KLHL29: variants seen among roughly 807,000 people sequenced by gnomAD.
The protein encoded by KLHL29 is kelch-like protein 29.
KLHL29 carries 21 observed loss-of-function variants against 80.4 expected under a neutral mutation model. The observed-to-expected ratio is 0.26, with a 90% CI of 0.19 to 0.38. The LOEUF is 0.38. Among genes scored for constraint, KLHL29 ranks in the 10% least tolerant of loss-of-function variants. The pLI is 1.00. For missense variants in KLHL29, 867 were observed against 1,223.9 expected, an observed-to-expected ratio of 0.71 and a Z score of 4.35; for synonymous variants, 511 against 526.8, an observed-to-expected ratio of 0.97 and a Z score of 0.41.
At chr2:23,556,313 G>T (rs1023704959) in intron 2 of KLHL29, among the ~76,000 whole-genome samples, 3 of 152,124 alleles carry the variant, frequency 2.0e-5, no homozygotes, top group Non-Finnish European at 4.4e-5. Context: ...AGGCGCAGGC[G>T]TGGTGTTGAC....
At chr2:23,420,806 C>CACTA (rs1400627793) in intron 1 of KLHL29, among the ~76,000 whole-genome samples, 1 of 152,190 alleles carries the variant, frequency 6.6e-6, no homozygotes, top group Non-Finnish European at 1.5e-5. Flanking sequence ...AGCGGGGCCT[C>CACTA]TGGGTGGGGC....
At chr2:23,530,747 G>T (rs1323019050) in intron 2 of KLHL29, among the ~76,000 whole-genome samples, 1 of 149,400 alleles carries the variant, frequency 6.7e-6, no homozygotes, top group East Asian at 2.0e-4. Flanking sequence ...CCCCCGCCCA[G>T]CTGCCAAGCC....
intron 1 of KLHL29, among the ~76,000 whole-genome samples, chr2:23,445,669 T>TATTGCTAC (rs1663652985): frequency 6.6e-6 from 1 of 152,242 alleles, no homozygotes; most frequent in African/African-American, 2.4e-5. Context: ...ATTTGTCAGA[T>TATTGCTAC]ATTGCTACAT....
chr2:23,527,694 C>T (rs531087341), intron 2 of KLHL29, among the ~76,000 whole-genome samples: 1 of 152,364 alleles, frequency 6.6e-6, no homozygotes, highest in East Asian at 1.9e-4. Flanking sequence ...AATTGTCCAA[C>T]AACCTCGCCA....
At chr2:23,478,103 G>A (rs1387728760) in intron 2 of KLHL29, among the ~76,000 whole-genome samples, 1 of 152,138 alleles carries the variant, frequency 6.6e-6, no homozygotes, top group Non-Finnish European at 1.5e-5. Flanking sequence ...TCCCTGTTGT[G>A]AACTCAAGTC....
At chr2:23,624,839 A>C (rs1442585044) in intron 3 of KLHL29, among the ~76,000 whole-genome samples, 1 of 152,232 alleles carries the variant, frequency 6.6e-6, no homozygotes, top group Non-Finnish European at 1.5e-5. Flanking sequence ...GCCTTGTCCC[A>C]GGTACGTTGC....
At chr2:23,591,314 G>T (rs1395044556) in intron 3 of KLHL29, among the ~76,000 whole-genome samples, 1 of 152,140 alleles carries the variant, frequency 6.6e-6, no homozygotes, top group Non-Finnish European at 1.5e-5. Flanking sequence ...GAAAGAGCCA[G>T]GACACAGTCC....
At chr2:23,511,607 T>C (rs183398929) in intron 2 of KLHL29, among the ~76,000 whole-genome samples, 3 of 152,350 alleles carry the variant, frequency 2.0e-5, no homozygotes, top group Admixed American at 1.3e-4. Context: ...TAAAAACTTA[T>C]CTCAGCGTTG....
At chr2:23,536,918 A>ACACACACACTCTCTCT (rs143009876) in intron 2 of KLHL29, among the ~76,000 whole-genome samples, 90 of 140,734 alleles carry the variant, frequency 6.4e-4, no homozygotes, top group East Asian at 1.8e-3. Context: ...ACACACACAC[A>ACACACACACTCTCTCT]CTCTCTCTCT....
At chr2:23,522,616 G>T (rs934705877) in intron 2 of KLHL29, among the ~76,000 whole-genome samples, 12 of 152,140 alleles carry the variant, frequency 7.9e-5, no homozygotes, top group Non-Finnish European at 1.5e-4. Context: ...GGGGTGGGAA[G>T]GTGAGGCGGG....
chr2:23,678,859 C>T (rs1670995151), intron 5 of KLHL29, among the ~76,000 whole-genome samples: 2 of 152,072 alleles, frequency 1.3e-5, no homozygotes, highest in African/African-American at 4.8e-5. Flanking sequence ...CTAAAATAGT[C>T]AAACTCATAG....
At chr2:23,635,919 G>A (rs72782203) in intron 3 of KLHL29, among the ~76,000 whole-genome samples, 20,744 of 152,300 alleles carry the variant, frequency 0.14, 1,770 homozygotes, top group Middle Eastern at 0.27. Context: ...CCTGCTGCCC[G>A]GGCTAAGTTC....
intron 3 of KLHL29, among the ~76,000 whole-genome samples, chr2:23,563,956 T>C (rs1288668965): frequency 6.6e-6 from 1 of 152,240 alleles, no homozygotes; most frequent in Non-Finnish European, 1.5e-5. Context: ...CGAGCGCTGG[T>C]CTGACTCAGT....
At chr2:23,523,152 G>C (rs537502176) in intron 2 of KLHL29, among the ~76,000 whole-genome samples, 2 of 152,198 alleles carry the variant, frequency 1.3e-5, no homozygotes, top group African/African-American at 2.4e-5. Context: ...TGTGCATTTT[G>C]TTCAGCAAAC....
intron 1 of KLHL29, among the ~76,000 whole-genome samples, chr2:23,407,037 G>A (rs1234670625): frequency 1.3e-5 from 2 of 151,968 alleles, no homozygotes; most frequent in Non-Finnish European, 2.9e-5. Context: ...TCTTAACCTT[G>A]CATTGCTTCT....
At chr2:23,588,319 T>C (rs1017384091) in intron 3 of KLHL29, among the ~76,000 whole-genome samples, 3 of 152,184 alleles carry the variant, frequency 2.0e-5, no homozygotes, top group Non-Finnish European at 2.9e-5. Context: ...GGAGCAGGCC[T>C]CAGCACCCCT....
chr2:23,405,300 A>G (rs929432960), intron 1 of KLHL29, among the ~76,000 whole-genome samples: 2 of 152,188 alleles, frequency 1.3e-5, no homozygotes, highest in Non-Finnish European at 2.9e-5. Flanking sequence ...ACCATGAAAC[A>G]TGATGGAAAC....
At chr2:23,698,272 G>GAGTA (rs66543951) in intron 11 of KLHL29, among the ~76,000 whole-genome samples, 1 of 34,100 alleles carries the variant, frequency 2.9e-5, no homozygotes, top group Non-Finnish European at 7.6e-5. Context: ...CAGCCCACCA[G>GAGTA]AGTCTGCCAA....
At chr2:23,446,825 A>G (rs72848010) in intron 1 of KLHL29, among the ~76,000 whole-genome samples, 5,289 of 152,226 alleles carry the variant, frequency 0.035, 120 homozygotes, top group Middle Eastern at 0.068. Flanking sequence ...TATATTGTCG[A>G]AAGAGGAGGG....
Sources: gnomAD v4.1 joint callset for allele counts (sites outside exome capture counted in the v4.1 genomes callset) on GRCh38, gnomAD v4.1.1 for gene constraint, MANE v1.5 for transcripts, NCBI Gene and HGNC (gene_info 2026-07-23, HGNC 2026-07-21) for gene names.